Variants in PRG3 observed in about 807,000 individuals in gnomAD.
The protein encoded by PRG3 is proteoglycan 3, pro eosinophil major basic protein 2.
PRG3 carries 25 observed loss-of-function variants against 26.1 expected under a neutral mutation model. The observed-to-expected ratio is 0.96, with a 90% CI of 0.70 to 1.34. The LOEUF (loss-of-function observed/expected upper bound fraction) is 1.34. Among genes scored for constraint, PRG3 ranks in the 40% most tolerant of loss-of-function variants. PRG3 has a pLI of 0.00. For missense variants in PRG3, 280 were observed against 264.8 expected (o/e 1.06, Z -0.40); for synonymous variants, 111 against 100.4 (o/e 1.11, Z -0.63).
At chr11:57,378,980 T>A (rs1490588703) in intron 3 of PRG3, among the ~76,000 whole-genome samples, 168 bp from the exon 4 acceptor site, 1 of 152,258 alleles carries the variant, frequency 6.6e-6, no homozygotes, top group African/African-American at 2.4e-5. Flanking sequence ...CAGGAAATGA[T>A]AATACTCATA....
In PRG3 at chr11:57,378,988, A is replaced by G. The variant is rs574038778; in HGVS notation, c.376-176T>C. On this transcript the variant is annotated intron_variant, in intron 3 of 5. Transcript: ENST00000287143. ...AATCCTACAGGAAATGATAATACTC[A>G]TAATAATTATAACCACCGCTTATTG... Among the ~76,000 whole-genome samples the G allele has an allele frequency of 2.6e-5, 4 of 152,352 alleles. No homozygotes were observed. In the South Asian group the frequency reaches 6.2e-4, roughly 24 times the overall value.
At chr11:57,380,930 T>G (rs1856995445) in intron 1 of PRG3, 149 bp from the exon 2 acceptor site, 2 of 433,656 alleles carry the variant, frequency 4.6e-6, no homozygotes, top group East Asian at 8.9e-5. Flanking sequence ...AAATTTCATT[T>G]GTCTTCCAGT....
intron 2 of PRG3, among the ~76,000 whole-genome samples, chr11:57,380,357 G>A (rs1202079820): frequency 1.3e-5 from 2 of 148,556 alleles, no homozygotes; most frequent in African/African-American, 2.5e-5. Flanking sequence ...CCGAGATCGC[G>A]CCACTGCACT....
chr11:57,377,945 C>G, intron 4 of PRG3, 109 bp from the exon 5 acceptor site: 1 of 802,762 alleles, frequency 1.2e-6, no homozygotes, highest in Non-Finnish European at 2.0e-6. Flanking sequence ...GCCAGACACC[C>G]TAGAGAGCCA....
chr11:57,380,950 T>C (rs1008380926), intron 1 of PRG3, among the ~76,000 whole-genome samples, 164 bp downstream of exon 1: 3 of 152,258 alleles, frequency 2.0e-5, no homozygotes, highest in Non-Finnish European at 2.9e-5. Context: ...TCTCCGTTGC[T>C]GCTCTCCAGT....
intron 2 of PRG3, among the ~76,000 whole-genome samples, chr11:57,380,416 C>CAAAAAAAAAAAAAAAAAAA (rs869309070): frequency 9.4e-5 from 1 of 10,596 alleles, no homozygotes; most frequent in Admixed American, 1.8e-3. Flanking sequence ...AAACAAAAAA[C>CAAAAAAAAAAAAAAAAAAA]AAACAAAAAA....
At chr11:57,377,576 G>A (rs1565078704) in intron 5 of PRG3, 149 bp downstream of exon 5, 3 of 643,452 alleles carry the variant, frequency 4.7e-6, no homozygotes, top group Non-Finnish European at 5.2e-6. Context: ...GATTCCCTAT[G>A]TCTCAGCCCT....
Position 57,378,720 on chromosome 11 carries a change from G to A in PRG3, c.468C>T (p.Asn156=). Reference sequence around the variant, plus strand: ...TGCCTCCAATCCAGACCTGGGCTTGGTTGACTGTGCTAGTGCAGCACTGAA... The same window carrying A: ...TGCCTCCAATCCAGACCTGGGCTTGATTGACTGTGCTAGTGCAGCACTGAA... ...YRIQCCTSTV[N]QAQVWIGGNL... Residue 156 remains asparagine (N), a synonymous_variant, in exon 4 of 6, where the codon AAC becomes AAT. Coordinates refer to ENST00000287143, the MANE Select transcript of PRG3 (RefSeq NM_006093.4). 6.2e-7 allele frequency: 1 copy of A among 1,613,780 alleles called. No individual in the cohort carries two copies. The highest frequency in any genetic ancestry group is 8.5e-7 in the Non-Finnish European group (1 of 1,179,870).
chr11:57,379,481 C>T lies in PRG3; in HGVS notation c.375+13G>A. ...TCCCCCAGGTCCTCCGCAGTAGCCTCCCTACTACTTACCTGAGCTTCTGCA... is the reference window on the plus strand; with the variant it reads ...TCCCCCAGGTCCTCCGCAGTAGCCTTCCTACTACTTACCTGAGCTTCTGCA... On this transcript the variant is annotated intron_variant, in intron 3 of 5. Transcript: ENST00000287143. 3 of 1,596,268 alleles carry T rather than the reference C, an allele frequency of 1.9e-6. No individual in the cohort carries two copies. Among genetic ancestry groups the T allele is most frequent in the Non-Finnish European group, 2.6e-6 (3 of 1,169,684 alleles).
rs1220863692 is a variant in PRG3, at chr11:57,376,815, GA to G, written c.*34del. 2.5e-6 allele frequency: 4 copies of G among 1,607,784 alleles called. No homozygotes were observed. Among genetic ancestry groups the G allele is most frequent in the Non-Finnish European group, 3.4e-6 (4 of 1,175,970 alleles). ...ATGAGCAGGAGAGGTTGGGGGACGG[GA>G]GGGAGCTGCTGGCAGGGTCTCCGTG... On this transcript the variant is annotated 3_prime_UTR_variant, in exon 6 of 6. Transcript: ENST00000287143.
Position 57,378,752 on chromosome 11 carries a change from A to C in PRG3, c.436T>G (p.Tyr146Asp), listed in dbSNP as rs34108746. ...GTGCTAGTGCAGCACTGAATGCGAT[A>C]GTTGAAGTTGAAGTCATGGATAGAG... is the stretch of plus-strand genomic sequence containing the variant. ...LVSIHDFNFN[Y>D]RIQCCTSTVN... The change falls in exon 4 of 6, where the codon TAT (tyrosine) becomes GAT (aspartate). Residue 146 changes from tyrosine to aspartate, a missense_variant. Tyr to Asp is a radical substitution (Grantham distance 160). Transcript: ENST00000287143. The C allele has an allele frequency of 6.2e-7, 1 of 1,613,792 alleles. No homozygotes were observed. Among genetic ancestry groups the C allele is most frequent in the Admixed American group, 1.7e-5 (1 of 60,026 alleles).
chr11:57,379,193 A>T (rs1856973591), intron 3 of PRG3, among the ~76,000 whole-genome samples: 1 of 152,212 alleles, frequency 6.6e-6, no homozygotes, highest in African/African-American at 2.4e-5. Context: ...CAGAACCAGA[A>T]TTTAACACAG....
Position 57,378,724 on chromosome 11 carries a change from A to C in PRG3, c.464T>G (p.Val155Gly). 2 of 1,613,764 alleles carry C rather than the reference A, an allele frequency of 1.2e-6. No homozygotes were observed. The highest frequency in any genetic ancestry group is 2.2e-5 in the South Asian group (2 of 91,062). Residue 155 changes from valine (V) to glycine (G), a missense_variant, in exon 4 of 6, where the codon GTC (valine) becomes GGC (glycine). Transcript: ENST00000287143. ...NYRIQCCTST[V>G]NQAQVWIGGN... ...TCCAATCCAGACCTGGGCTTGGTTG[A>C]CTGTGCTAGTGCAGCACTGAATGCG...
chr11:57,376,891 C>T lies in PRG3; in HGVS notation c.637G>A (p.Ala213Thr), dbSNP rs1472193650. 3.7e-6 allele frequency: 6 copies of T among 1,612,294 alleles called. No individual in the cohort carries two copies. The highest frequency in any genetic ancestry group is 3.3e-5 in the Admixed American group (2 of 59,998). Reference protein sequence around the residue: ...LCTKGGYWRRAQCDKQLPFVC... With the variant: ...LCTKGGYWRRTQCDKQLPFVC... ...AAGGGCAGTTGCTTGTCGCATTGAGCTCGTCGCCAATAACCTCCTAGCAGC... is the reference window on the plus strand; with the variant it reads ...AAGGGCAGTTGCTTGTCGCATTGAGTTCGTCGCCAATAACCTCCTAGCAGC... The change falls in exon 6 of 6, where the codon GCT (alanine) becomes ACT (threonine). Residue 213 changes from alanine to threonine, a missense_variant. Transcript: ENST00000287143.
chr11:57,378,146 GTACTGCTGATCTATGGACCA>G (rs1297690453), intron 4 of PRG3, among the ~76,000 whole-genome samples: 7 of 152,114 alleles, frequency 4.6e-5, no homozygotes, highest in South Asian at 2.1e-4. Flanking sequence ...GGGGATGGTG[GTACTGCTGATCTATGGACCA>G]TACTGCTGAT....
intron 4 of PRG3, 22 bp from the exon 5 acceptor site, chr11:57,377,858 T>C: frequency 1.3e-6 from 2 of 1,591,902 alleles, no homozygotes; most frequent in Admixed American, 1.7e-5. Context: ...ACAGGCTAGG[T>C]CAGAGGGCAG....
At chr11:57,379,945 A>T (rs1856982706) in intron 2 of PRG3, 138 bp from the exon 3 acceptor site, 2 of 803,752 alleles carry the variant, frequency 2.5e-6, no homozygotes, top group Non-Finnish European at 3.8e-6. Flanking sequence ...GGTGTTAGGT[A>T]AGGAGAGATC....
In PRG3 at chr11:57,378,702, A is replaced by G; in HGVS notation, c.486T>C (p.Ile162=). ...TTACCCAGCCCCTGAGGTTGCCTCC[A>G]ATCCAGACCTGGGCTTGGTTGACTG... is the stretch of plus-strand genomic sequence containing the variant. ...TSTVNQAQVW[I]GGNLRGWFLW... The change falls in exon 4 of 6, where the codon ATT becomes ATC. Residue 162 remains isoleucine (I), a synonymous_variant. Transcript: ENST00000287143. The G allele has an allele frequency of 8.1e-6, 13 of 1,613,760 alleles. No individual in the cohort carries two copies. Among genetic ancestry groups the G allele is most frequent in the Non-Finnish European group, 1.1e-5 (13 of 1,179,854 alleles).
chr11:57,379,895 C>T, intron 2 of PRG3, 88 bp from the exon 3 acceptor site: 2 of 1,238,496 alleles, frequency 1.6e-6, no homozygotes, highest in Non-Finnish European at 2.2e-6. Flanking sequence ...TCGAGCTTTC[C>T]TAGGAATTCC....
Sources: gnomAD v4.1 joint callset for allele counts (sites outside exome capture counted in the v4.1 genomes callset) on GRCh38, gnomAD v4.1.1 for gene constraint, MANE v1.5 for transcripts, NCBI Gene and HGNC (gene_info 2026-07-23, HGNC 2026-07-21) for gene names.